TAFA5: variants seen among roughly 807,000 people sequenced by gnomAD.
TAFA5 encodes chemokine-like protein TAFA-5.
In TAFA5, 6 loss-of-function variants were observed where a neutral mutation model predicts 15.3. The observed-to-expected ratio is 0.39, with a 90% CI of 0.21 to 0.77. TAFA5 has a LOEUF of 0.77. TAFA5 is among the 30% of genes least tolerant of loss of function. The probability of loss-of-function intolerance (pLI) is 0.41; values close to 1 mark genes in which losing one functional copy is unlikely to be tolerated. For synonymous variants in TAFA5, 103 were observed against 80.7 expected, an observed-to-expected ratio of 1.28 and a Z score of -1.48; for missense variants, 161 against 193.1, an observed-to-expected ratio of 0.83 and a Z score of 0.98.
At chr22:48,571,983 T>G (rs1271033489) in intron 1 of TAFA5, among the ~76,000 whole-genome samples, 1 of 152,184 alleles carries the variant, frequency 6.6e-6, no homozygotes, top group Non-Finnish European at 1.5e-5. Flanking sequence ...GGAGTTTTTT[T>G]CCTTGTTCTC....
intron 1 of TAFA5, among the ~76,000 whole-genome samples, chr22:48,590,482 G>T (rs938461288): frequency 2.6e-5 from 4 of 152,158 alleles, no homozygotes; most frequent in Non-Finnish European, 5.9e-5. Context: ...TGATACATGG[G>T]TATGGTGCAA....
intron 1 of TAFA5, among the ~76,000 whole-genome samples, chr22:48,630,118 G>C (rs1439187793): frequency 6.6e-6 from 1 of 152,088 alleles, no homozygotes; most frequent in Non-Finnish European, 1.5e-5. Flanking sequence ...GCGAATTCTA[G>C]ATTCTCTAAA....
In TAFA5 at chr22:48,522,208, C is replaced by T. The variant is rs78516087; in HGVS notation, c.112+32504C>T. Among the ~76,000 whole-genome samples, 429 of 152,106 alleles carry T rather than the reference C, an allele frequency of 2.8e-3. 3 individuals carry two copies. Among genetic ancestry groups the T allele is most frequent in the African/African-American group, 1.0e-2 (414 of 41,516 alleles). On this transcript the variant is annotated intron_variant, in intron 1 of 3. Coordinates refer to ENST00000402357, the MANE Select transcript of TAFA5 (RefSeq NM_001082967.3). ...TCCAAGACTGGAACCTCCTCCCACC[C>T]CTCCCTCTGTCCCCTGCGTCTACCT... is the stretch of plus-strand genomic sequence containing the variant.
chr22:48,656,782 GAA>G (rs2147210843), intron 2 of TAFA5, among the ~76,000 whole-genome samples: 1 of 99,328 alleles, frequency 1.0e-5, no homozygotes, highest in Non-Finnish European at 1.9e-5. Context: ...TTTTTTTTTT[GAA>G]GATGGAGTCT....
chr22:48,555,249 C>T (rs1922993539), intron 1 of TAFA5, among the ~76,000 whole-genome samples: 1 of 152,174 alleles, frequency 6.6e-6, no homozygotes, highest in Admixed American at 6.5e-5. Context: ...ATGGGGCTGG[C>T]GGTGGGCTCA....
At chr22:48,684,439 CACATCTCATG>C (rs1257480220) in intron 2 of TAFA5, among the ~76,000 whole-genome samples, 2 of 152,104 alleles carry the variant, frequency 1.3e-5, no homozygotes, top group African/African-American at 4.8e-5. Context: ...ATAAAGCCTC[CACATCTCATG>C]ATGTGACCTA....
intron 2 of TAFA5, among the ~76,000 whole-genome samples, chr22:48,670,864 A>G (rs1927781473): frequency 6.6e-6 from 1 of 152,214 alleles, no homozygotes; most frequent in Non-Finnish European, 1.5e-5. Context: ...CTCTCTGTAC[A>G]ATAAATAAGG....
At chr22:48,693,489 A>G (rs1393262607) in intron 2 of TAFA5, 9 of 1,559,776 alleles carry the variant, frequency 5.8e-6, no homozygotes, top group Non-Finnish European at 6.9e-6. Flanking sequence ...ATGAGGAAGC[A>G]TAGCCTGAGG....
chr22:48,591,867 C>G (rs970490275), intron 1 of TAFA5, among the ~76,000 whole-genome samples: 1 of 152,222 alleles, frequency 6.6e-6, no homozygotes, highest in African/African-American at 2.4e-5. Flanking sequence ...GTCTCCCTCT[C>G]AGGGCAGCCA....
chr22:48,734,302 C>T (rs965977130), intron 3 of TAFA5, among the ~76,000 whole-genome samples: 1 of 152,106 alleles, frequency 6.6e-6, no homozygotes, highest in African/African-American at 2.4e-5. Context: ...GAGTGGAGGG[C>T]GAAATATCGT....
chr22:48,666,832 T>C (rs1927633639), intron 2 of TAFA5, among the ~76,000 whole-genome samples: 1 of 152,046 alleles, frequency 6.6e-6, no homozygotes, highest in Non-Finnish European at 1.5e-5. Flanking sequence ...GTGTGGGCTG[T>C]GGGGAGCATT....
At chr22:48,499,653 C>T (rs887924227) in intron 1 of TAFA5, among the ~76,000 whole-genome samples, 1 of 152,210 alleles carries the variant, frequency 6.6e-6, no homozygotes, top group Admixed American at 6.5e-5. Context: ...CTCCACTCTA[C>T]ACTGGATGCT....
intron 1 of TAFA5, among the ~76,000 whole-genome samples, chr22:48,549,101 A>T (rs939112666): frequency 6.6e-6 from 1 of 152,228 alleles, no homozygotes; most frequent in Non-Finnish European, 1.5e-5. Flanking sequence ...TAGAAATAGG[A>T]AGAGTAAACA....
At chr22:48,504,506 T>C (rs1183305674) in intron 1 of TAFA5, among the ~76,000 whole-genome samples, 2 of 151,350 alleles carry the variant, frequency 1.3e-5, no homozygotes. Flanking sequence ...GTTGGGCTGG[T>C]GAGGCCGTGA....
intron 2 of TAFA5, among the ~76,000 whole-genome samples, chr22:48,656,158 C>T (rs1158302813): frequency 6.6e-6 from 1 of 152,056 alleles, no homozygotes; most frequent in Admixed American, 6.6e-5. Flanking sequence ...GATTCTTTTT[C>T]AGGGTGTTGC....
At chr22:48,697,042 C>A (rs923733123) in intron 2 of TAFA5, among the ~76,000 whole-genome samples, 1 of 152,180 alleles carries the variant, frequency 6.6e-6, no homozygotes, top group Admixed American at 6.5e-5. Context: ...GGGAAGATGG[C>A]GTGCCAGGCA....
rs1922400335 is a variant in TAFA5 at position 48,542,090 on chromosome 22, T to G, written c.112+52386T>G. 2.2e-5 allele frequency among the ~76,000 whole-genome samples: 3 copies of G among 135,888 alleles called. No homozygotes were observed. In the East Asian group the frequency reaches 6.9e-4, roughly 31 times the overall value. 89.1% of individuals were successfully genotyped at this position (135,888 alleles called of 152,430 possible). On this transcript the variant is annotated intron_variant, in intron 1 of 3. Coordinates refer to ENST00000402357, the MANE Select transcript of TAFA5 (RefSeq NM_001082967.3). ...GTGTGTGTGCGTGTGTGTGTGTGCATGTGTGATGTGTGTGTGGTGTGTGTG... is the reference window on the plus strand; with the variant it reads ...GTGTGTGTGCGTGTGTGTGTGTGCAGGTGTGATGTGTGTGTGGTGTGTGTG...
intron 1 of TAFA5, among the ~76,000 whole-genome samples, chr22:48,634,519 A>G (rs1009803227): frequency 6.6e-6 from 1 of 151,822 alleles, no homozygotes; most frequent in Non-Finnish European, 1.5e-5. Flanking sequence ...TCATTCACTC[A>G]TTCACTTATT....
At chr22:48,585,765 C>T (rs371659274) in intron 1 of TAFA5, among the ~76,000 whole-genome samples, 5 of 151,802 alleles carry the variant, frequency 3.3e-5, no homozygotes, top group African/African-American at 7.3e-5. Context: ...ACCAAATACG[C>T]ATACCACACA....
Sources: allele counts gnomAD v4.1 joint callset (sites outside exome capture counted in the v4.1 genomes callset), GRCh38; gene constraint gnomAD v4.1.1; transcripts MANE v1.5; gene names NCBI Gene and HGNC (gene_info 2026-07-23, HGNC 2026-07-21).